Variants in PARP14 observed in about 807,000 individuals in gnomAD.
The protein encoded by PARP14 is protein mono-ADP-ribosyltransferase PARP14.
In PARP14, 59 loss-of-function variants were observed where a neutral mutation model predicts 154.2. The ratio of observed to expected loss-of-function variants is 0.38; its 90% CI spans 0.31 to 0.48. The LOEUF is 0.48. PARP14 is among the 20% of genes least tolerant of loss of function. The probability of loss-of-function intolerance (pLI) is 0.98; values close to 1 mark genes in which losing one functional copy is unlikely to be tolerated. For missense variants in PARP14, 1,734 were observed against 2,131.6 expected (o/e 0.81, Z 3.67); for synonymous variants, 720 against 780.5 (o/e 0.92, Z 1.29).
intron 16 of PARP14, 146 bp from the exon 17 acceptor site, chr3:122,728,162 G>A: frequency 1.1e-6 from 1 of 925,302 alleles, no homozygotes; most frequent in Middle Eastern, 2.6e-4. Flanking sequence ...GGCCCTTCTA[G>A]GTAGAAAAAT....
chr3:122,722,358 A>C (rs1365013411), intron 15 of PARP14: 1 of 152,218 alleles, frequency 6.6e-6, no homozygotes. Flanking sequence ...TCTCACTCCA[A>C]GTACCAATTA....
At chr3:122,692,677 A>G in intron 4 of PARP14, 134 bp downstream of exon 4, 1 of 692,884 alleles carries the variant, frequency 1.4e-6, no homozygotes, top group Non-Finnish European at 2.2e-6. Flanking sequence ...AAGTTAATAT[A>G]GTTTTTTTTA....
intron 4 of PARP14, among the ~76,000 whole-genome samples, chr3:122,694,607 T>A (rs1157442027): frequency 1.3e-5 from 2 of 152,148 alleles, no homozygotes; most frequent in African/African-American, 4.8e-5. Context: ...TGGCGTGATC[T>A]CAGCTCACTA....
rs975427667 is a variant in PARP14 at position 122,704,745 on chromosome 3, T to C, written c.3537T>C (p.Ile1179=). The C allele has an allele frequency of 1.3e-6, 2 of 1,565,628 alleles. No homozygotes were observed. The highest frequency in any genetic ancestry group is 2.7e-5 in the African/African-American group (2 of 73,906). ...FLLHPSDHEN[I]QAFSDEFARR... ...TGCACCCGAGTGATCATGAAAATAT[T>C]CAGGTACAGTGCCACTAATTTCTGA... The change falls in exon 8 of 17, where the codon ATT becomes ATC. Residue 1179 remains isoleucine (I), a synonymous_variant. Transcript: ENST00000474629.
intron 12 of PARP14, among the ~76,000 whole-genome samples, chr3:122,715,738 T>G (rs1932982430): frequency 6.6e-6 from 1 of 152,138 alleles, no homozygotes; most frequent in South Asian, 2.1e-4. Context: ...TCTGTCTCCA[T>G]CTGTTTTTTT....
intron 1 of PARP14, among the ~76,000 whole-genome samples, chr3:122,682,665 G>T (rs139837463): frequency 2.0e-5 from 3 of 152,074 alleles, no homozygotes; most frequent in Non-Finnish European, 4.4e-5. Context: ...TCCTTGACCG[G>T]CCCCAGCCCA....
At chr3:122,703,026 A>G (rs1017472727) in intron 6 of PARP14, among the ~76,000 whole-genome samples, 1 of 100,338 alleles carries the variant, frequency 1.0e-5, no homozygotes, top group East Asian at 2.5e-4. Flanking sequence ...AAAAAAAACA[A>G]AAAACAAAAA....
At chr3:122,697,659 G>C (rs1396820527) in intron 5 of PARP14, among the ~76,000 whole-genome samples, 2 of 152,126 alleles carry the variant, frequency 1.3e-5, no homozygotes, top group Non-Finnish European at 2.9e-5. Flanking sequence ...AAAAAATTAG[G>C]CATTTTACTG....
chr3:122,683,322 A>G, intron 1 of PARP14: 1 of 981,294 alleles, frequency 1.0e-6, no homozygotes. Flanking sequence ...CCCATAGCAT[A>G]ACCTGATTTG....
intron 1 of PARP14, chr3:122,683,219 A>G (rs1445024523): frequency 4.1e-6 from 3 of 733,170 alleles, no homozygotes; most frequent in African/African-American, 1.9e-5. Flanking sequence ...CTAACAATGA[A>G]TGACCTACGC....
rs1938887687 is a variant in PARP14 at position 122,699,630 on chromosome 3, A to C, written c.1076A>C (p.Gln359Pro). ...RRCHCELTWS[Q>P]LSGKVTIRPA... ...TGTCACTGTGAGCTCACGTGGTCCCAACTCAGTGGTAAAGTTACCATCAGA... is the reference window on the plus strand; with the variant it reads ...TGTCACTGTGAGCTCACGTGGTCCCCACTCAGTGGTAAAGTTACCATCAGA... The change falls in exon 6 of 17, where the codon CAA (glutamine) becomes CCA (proline). Residue 359 changes from glutamine (Q) to proline (P), a missense_variant. Transcript: ENST00000474629. 6.2e-7 allele frequency: 1 copy of C among 1,614,088 alleles called. No individual in the cohort carries two copies. Among genetic ancestry groups the C allele is most frequent in the East Asian group, 2.2e-5 (1 of 44,888 alleles).
intron 15 of PARP14, among the ~76,000 whole-genome samples, chr3:122,725,151 T>C (rs1933256679): frequency 6.6e-6 from 1 of 152,204 alleles, no homozygotes. Context: ...TTCTCAATGG[T>C]CGCTGTCTCT....
At chr3:122,710,427 T>C (rs1420642909) in intron 9 of PARP14, among the ~76,000 whole-genome samples, 1 of 152,204 alleles carries the variant, frequency 6.6e-6, no homozygotes, top group African/African-American at 2.4e-5. Flanking sequence ...TGCCTATTTT[T>C]ATACCAGTAC....
At position 122,681,111 on chromosome 3, in the gene PARP14, G is replaced by T. The variant is rs754186751; in HGVS notation, c.187+41G>T. 1.5e-6 allele frequency: 2 copies of T among 1,341,914 alleles called. No homozygotes were observed. The highest frequency in any genetic ancestry group is 1.2e-5 in the South Asian group (1 of 85,816). The allele number at this position is 1,341,914 out of a possible 1,614,324, so 83.1% of individuals were successfully genotyped here. A position where few individuals can be genotyped will look rare whatever the true frequency, so the allele number is the denominator to read the frequency against. On this transcript the variant is annotated intron_variant, in intron 1 of 16. Coordinates refer to ENST00000474629, the MANE Select transcript of PARP14 (RefSeq NM_017554.3). This position sits in a 1 kb window ranked among gnomAD's most constrained non-coding sequence, Gnocchi z 5.5. ...GGTGGGGTGAGGAGGGGGCACCTCT[G>T]CCCTCCCTCCAGGGAAATGGCGGCA...
chr3:122,685,217 G>A lies in PARP14; in HGVS notation c.220G>A (p.Glu74Lys). 6.2e-7 allele frequency: 1 copy of A among 1,613,916 alleles called. No individual in the cohort carries two copies. Among genetic ancestry groups the A allele is most frequent in the Non-Finnish European group, 8.5e-7 (1 of 1,179,830 alleles). Residue 74 changes from glutamate (E) to lysine (K), a missense_variant, in exon 2 of 17, where the codon GAG becomes AAG. Physicochemically the swap from Glu to Lys is moderately conservative, Grantham distance 56. Coordinates refer to ENST00000474629, the MANE Select transcript of PARP14 (RefSeq NM_017554.3). ...RQKVLERKNH[E>K]LVWQGKGTFK... is the part of the protein sequence containing the mutation. ...GAAGGTTCTGGAGAGAAAAAATCAT[G>A]AGTTGGTATGGCAAGGAAAAGGAAC...
intron 3 of PARP14, 114 bp from the exon 4 acceptor site, chr3:122,692,187 A>G: frequency 1.3e-6 from 1 of 751,926 alleles, no homozygotes; most frequent in East Asian, 2.6e-5. Context: ...TTATTCTGTG[A>G]GTTAGCCAAG....
intron 12 of PARP14, among the ~76,000 whole-genome samples, chr3:122,715,442 T>A (rs1196951732): frequency 6.6e-6 from 1 of 152,198 alleles, no homozygotes; most frequent in Non-Finnish European, 1.5e-5. Flanking sequence ...TCTGTACCAT[T>A]TCTTATAATG....
At position 122,701,626 on chromosome 3, in the gene PARP14, G is replaced by C; in HGVS notation, c.3072G>C (p.Gln1024His). 6.3e-7 allele frequency: 1 copy of C among 1,586,928 alleles called. No homozygotes were observed. Among genetic ancestry groups the C allele is most frequent in the South Asian group, 1.1e-5 (1 of 87,884 alleles). Residue 1024 changes from glutamine (Q) to histidine (H), a missense_variant, in exon 6 of 17, where the codon CAG (glutamine) becomes CAC (histidine). Around this residue, in one of 2 missense-constraint regions of PARP14, gnomAD observed 1,646 missense variants for 1,976.0 expected, o/e 0.83. Transcript: ENST00000474629. The surrounding 1 kb of genome is among the most constrained non-coding windows in gnomAD (Gnocchi z 4.0). Reference protein sequence around the residue: ...LQMLLVKEGVQNAKTDVVVNS... With the variant: ...LQMLLVKEGVHNAKTDVVVNS... The stretch of plus-strand genomic sequence containing the variant: ...TGCTGTTGGTGAAAGAGGGTGTGCA[G>C]AATGCTAAGGTGAGTGTCGCTTTTA...
chr3:122,728,614 C>T lies in PARP14; in HGVS notation c.*17C>T, dbSNP rs1352547367. The T allele has an allele frequency of 1.9e-6, 3 of 1,590,028 alleles. No individual in the cohort carries two copies. The highest frequency in any genetic ancestry group is 2.6e-6 in the Non-Finnish European group (3 of 1,162,476). On this transcript the variant is annotated 3_prime_UTR_variant, in exon 17 of 17. Transcript: ENST00000474629. ...AGAAAATAACACTTTGGTATCCTTC[C>T]CACAAAATTATTCTCCATTTGTACA...
Sources: gnomAD v4.1 joint callset for allele counts (sites outside exome capture counted in the v4.1 genomes callset) on GRCh38, gnomAD v4.1.1 for gene constraint, gnomAD v4.1.1 regional missense constraint, Gnocchi (gnomAD v3.1) non-coding constraint, MANE v1.5 for transcripts, NCBI Gene and HGNC (gene_info 2026-07-23, HGNC 2026-07-21) for gene names.